Variants in UBA2 observed in about 807,000 individuals in gnomAD.
The protein encoded by UBA2 is ubiquitin like modifier activating enzyme 2.
UBA2 carries 11 observed loss-of-function variants against 77.2 expected under a neutral mutation model. The observed-to-expected ratio is 0.14, with a 90% CI of 0.09 to 0.24. The LOEUF is 0.24. Among genes scored for constraint, UBA2 ranks in the 10% least tolerant of loss-of-function variants. The pLI is 1.00. For synonymous variants in UBA2, 278 were observed against 276.7 expected, an observed-to-expected ratio of 1.00 and a Z score of -0.05; for missense variants, 487 against 781.7, an observed-to-expected ratio of 0.62 and a Z score of 4.50.
Position 34,431,898 on chromosome 19 carries a change from C to T in UBA2, c.260C>T (p.Ala87Val). The stretch of plus-strand genomic sequence containing the variant: ...AGTGTACTGCAGTTTTACCCGAAAG[C>T]TAATATCGTTGCCTACCATGACAGC... ...KESVLQFYPK[A>V]NIVAYHDSIM... is the part of the protein sequence containing the mutation. The change falls in exon 3 of 17, where the codon GCT becomes GTT. Residue 87 changes from alanine (A) to valine (V), a missense_variant. By Grantham distance (64) the Ala-to-Val change is moderately conservative. Around this residue, in one of 9 missense-constraint regions of UBA2, gnomAD observed 66 missense variants for 112.0 expected, o/e 0.59. Coordinates refer to ENST00000246548, the MANE Select transcript of UBA2 (RefSeq NM_005499.3). 2 of 1,613,908 alleles carry T rather than the reference C, an allele frequency of 1.2e-6. No homozygotes were observed. Among genetic ancestry groups the T allele is most frequent in the Non-Finnish European group, 1.7e-6 (2 of 1,179,946 alleles).
chr19:34,462,418 G>A lies in UBA2; in HGVS notation c.1499-1608G>A, dbSNP rs545113486. Among the ~76,000 whole-genome samples, 4 of 152,168 alleles carry A rather than the reference G, an allele frequency of 2.6e-5. No individual in the cohort carries two copies. The South Asian group carries it at 6.2e-4, about 24-fold the overall frequency. On this transcript the variant is annotated intron_variant, in intron 14 of 16. Coordinates refer to ENST00000246548, the MANE Select transcript of UBA2 (RefSeq NM_005499.3). ...ACTGGTTTTCCTTTTGAATGTGATG[G>A]TTCCAAGAGGTTTGCAGTCAGTGGA...
chr19:34,464,964 G>C (rs921391594), intron 15 of UBA2, among the ~76,000 whole-genome samples: 1 of 152,056 alleles, frequency 6.6e-6, no homozygotes, highest in Non-Finnish European at 1.5e-5. Flanking sequence ...CAGAAACTTA[G>C]GAGGCAGAGG....
In UBA2 at chr19:34,470,162, G is replaced by A. The variant is rs1477321230; in HGVS notation, c.*941G>A. The stretch of plus-strand genomic sequence containing the variant: ...TAATTCCAGCTACTCAGGAGGCTAA[G>A]GCAGCAGAATTGCTTGAACCCGGGA... On this transcript the variant is annotated 3_prime_UTR_variant, in exon 17 of 17. Transcript: ENST00000246548. 1 of 152,102 alleles carries A rather than the reference G, an allele frequency of 6.6e-6. No individual in the cohort carries two copies. Among genetic ancestry groups the A allele is most frequent in the Admixed American group, 6.6e-5 (1 of 15,266 alleles). The allele number at this position is 152,102 out of a possible 1,614,324, so 9.4% of individuals were successfully genotyped here.
In UBA2 at chr19:34,431,932, G is replaced by A. The variant is rs2075260275; in HGVS notation, c.293+1G>A. The A allele has an allele frequency of 6.3e-7, 1 of 1,598,186 alleles. No homozygotes were observed. Among genetic ancestry groups the A allele is most frequent in the Non-Finnish European group, 8.5e-7 (1 of 1,175,368 alleles). On this transcript the variant is annotated splice_donor_variant, in intron 3 of 16. Transcript: ENST00000246548. LOFTEE classifies it high-confidence loss of function. ...TTGCCTACCATGACAGCATCATGAA[G>A]TATGCTATAGTGATTACATTGCAAA... is the stretch of plus-strand genomic sequence containing the variant.
chr19:34,452,197 T>C, intron 10 of UBA2, 50 bp downstream of exon 10: 1 of 1,431,108 alleles, frequency 7.0e-7, no homozygotes, highest in Non-Finnish European at 9.4e-7. Context: ...AAGTGTGTTT[T>C]AGTTCTTGAG....
chr19:34,465,033 C>T (rs1467704941), intron 15 of UBA2, among the ~76,000 whole-genome samples: 1 of 151,464 alleles, frequency 6.6e-6, no homozygotes, highest in Non-Finnish European at 1.5e-5. Flanking sequence ...AGCAAAACTC[C>T]ATCTCAAAAA....
chr19:34,458,522 C>T (rs568688960), intron 12 of UBA2, among the ~76,000 whole-genome samples: 110 of 121,396 alleles, frequency 9.1e-4, no homozygotes, highest in African/African-American at 3.3e-3. Flanking sequence ...GATTGCGCCA[C>T]TGCACTCCAG....
rs867145582 is a variant in UBA2, at chr19:34,454,076, C to T, written c.1039-184C>T. Among the ~76,000 whole-genome samples, 3 of 152,232 alleles carry T rather than the reference C, an allele frequency of 2.0e-5. No individual in the cohort carries two copies. In the East Asian group the frequency reaches 5.8e-4, roughly 29 times the overall value. On this transcript the variant is annotated intron_variant, in intron 10 of 16. Transcript: ENST00000246548. ...CAGAGGAGCTGATGATGAGACCCCA[C>T]CCCCTACTTAACCCACCTCCATGCT...
rs370585686 is a variant in UBA2, at chr19:34,469,758, C to T, written c.*537C>T. 2 of 152,406 alleles carry T rather than the reference C, an allele frequency of 1.3e-5. No homozygotes were observed. The highest frequency in any genetic ancestry group is 2.9e-5 in the Non-Finnish European group (2 of 68,018). 9.4% of individuals were successfully genotyped at this position (152,406 alleles called of 1,614,324 possible). ...ATTTACTCAAGTTTTCAGTTTGTAC[C>T]GCCTGGTATGTCTGTGTAAGAAGCC... On this transcript the variant is annotated 3_prime_UTR_variant, in exon 17 of 17. Coordinates refer to ENST00000246548, the MANE Select transcript of UBA2 (RefSeq NM_005499.3).
At chr19:34,466,049 T>C (rs1349784030) in intron 15 of UBA2, among the ~76,000 whole-genome samples, 1 of 151,918 alleles carries the variant, frequency 6.6e-6, no homozygotes, top group African/African-American at 2.4e-5. Context: ...TAAGATCACA[T>C]TGTAGGCCAG....
At chr19:34,448,827 A>G (rs1249304010) in intron 8 of UBA2, among the ~76,000 whole-genome samples, 1 of 152,180 alleles carries the variant, frequency 6.6e-6, no homozygotes, top group African/African-American at 2.4e-5. Context: ...GGACAGAATG[A>G]AAAGATGGTT....
chr19:34,428,784 C>T (rs1346447869), intron 1 of UBA2: 2 of 1,145,400 alleles, frequency 1.7e-6, no homozygotes, highest in Admixed American at 9.0e-5. Flanking sequence ...TGGGCCGGCT[C>T]CGGACGCCGA....
At chr19:34,466,250 C>T (rs973900799) in intron 15 of UBA2, among the ~76,000 whole-genome samples, 2 of 152,102 alleles carry the variant, frequency 1.3e-5, no homozygotes, top group Non-Finnish European at 2.9e-5. Context: ...AGAAGAATAG[C>T]TTGAAAACCT....
chr19:34,446,960 C>G (rs1454340140), intron 8 of UBA2, among the ~76,000 whole-genome samples: 3 of 152,118 alleles, frequency 2.0e-5, no homozygotes, highest in African/African-American at 7.2e-5. Context: ...CAGCCCTTTT[C>G]TAAAACATGG....
At chr19:34,432,755 A>G (rs937899618) in intron 3 of UBA2, among the ~76,000 whole-genome samples, 1 of 152,138 alleles carries the variant, frequency 6.6e-6, no homozygotes, top group African/African-American at 2.4e-5. Context: ...GGGTTTCATC[A>G]TGTTGGCCAG....
intron 4 of UBA2, 123 bp from the exon 5 acceptor site, chr19:34,434,745 A>G (rs1599889473): frequency 2.8e-6 from 2 of 702,840 alleles, no homozygotes; most frequent in East Asian, 2.8e-5. Flanking sequence ...TATTCTGGCC[A>G]TAGCTATAAG....
intron 1 of UBA2, 60 bp downstream of exon 1, chr19:34,428,630 G>A: frequency 7.8e-7 from 1 of 1,275,022 alleles, no homozygotes; most frequent in Non-Finnish European, 1.0e-6. Flanking sequence ...GGGATTCGGG[G>A]GTTCCGGGGC....
chr19:34,462,110 G>T (rs191232426), intron 14 of UBA2, among the ~76,000 whole-genome samples: 265 of 152,296 alleles, frequency 1.7e-3, no homozygotes, highest in Non-Finnish European at 3.2e-3. Flanking sequence ...CACATGTGCA[G>T]TGTGTGTCTT....
intron 1 of UBA2, among the ~76,000 whole-genome samples, chr19:34,429,508 C>T (rs145584175): frequency 3.1e-3 from 473 of 152,118 alleles, no homozygotes; most frequent in Non-Finnish European, 4.7e-3. Context: ...ACTTTTTTAA[C>T]CATGTGTAAA....
Sources: allele counts gnomAD v4.1 joint callset (sites outside exome capture counted in the v4.1 genomes callset), GRCh38; gene constraint gnomAD v4.1.1; regional missense constraint gnomAD v4.1.1; transcripts MANE v1.5; gene names NCBI Gene and HGNC (gene_info 2026-07-23, HGNC 2026-07-21).